Variants in IL17RD observed in about 807,000 individuals in gnomAD.
The protein encoded by IL17RD is interleukin 17 receptor D, also known as interleukin-17 receptor D.
Under a neutral mutation model 80.5 loss-of-function variants are expected in IL17RD, and 52 were observed. The ratio of observed to expected loss-of-function variants is 0.65; its 90% CI spans 0.52 to 0.81. IL17RD has a LOEUF of 0.81. Ranked by LOEUF, IL17RD falls within the 40% of genes least tolerant of loss-of-function variation. The pLI is 0.00. For synonymous variants in IL17RD, 416 were observed against 391.8 expected, an observed-to-expected ratio of 1.06 and a Z score of -0.73; for missense variants, 1,024 against 955.1, an observed-to-expected ratio of 1.07 and a Z score of -0.95.
rs1706728418 is a variant in IL17RD at position 57,098,030 on chromosome 3, T to C, written c.1673A>G (p.Asp558Gly). ...GGGAACGAACTGCTTTTCGAACCAG[T>C]CGGGCTCCTCGTCAATAAACTGGTG... ...NMHQFIDEEP[D>G]WFEKQFVPFH... Residue 558 changes from aspartate to glycine, a missense_variant, in exon 12 of 13, where the codon GAC becomes GGC. By Grantham distance (94) the Asp-to-Gly change is moderately conservative (BLOSUM62 -1). Coordinates refer to ENST00000296318, the MANE Select transcript of IL17RD (RefSeq NM_017563.5). 1.2e-6 allele frequency: 2 copies of C among 1,613,892 alleles called. No homozygotes were observed. The highest frequency in any genetic ancestry group is 2.7e-5 in the African/African-American group (2 of 74,922).
At chr3:57,142,190 C>G (rs1232479003) in intron 1 of IL17RD, among the ~76,000 whole-genome samples, 1 of 152,178 alleles carries the variant, frequency 6.6e-6, no homozygotes, top group African/African-American at 2.4e-5. Context: ...AGTGCAATTC[C>G]TTTCTTTACT....
chr3:57,112,581 C>T (rs572911169), intron 3 of IL17RD, among the ~76,000 whole-genome samples: 6 of 152,230 alleles, frequency 3.9e-5, no homozygotes, highest in Non-Finnish European at 7.3e-5. Flanking sequence ...GCCTGCAATT[C>T]GTCAGGCCAA....
chr3:57,138,119 T>C lies in IL17RD; in HGVS notation c.127-17806A>G, dbSNP rs550770794. Among the ~76,000 whole-genome samples, 22 of 152,318 alleles carry C rather than the reference T, an allele frequency of 1.4e-4. 1 individual carries two copies. The South Asian group carries it at 4.6e-3, about 32-fold the overall frequency. On this transcript the variant is annotated intron_variant, in intron 1 of 12. Coordinates refer to ENST00000296318, the MANE Select transcript of IL17RD (RefSeq NM_017563.5). ...GCGGGGAGAGGAGAATGGGGAGTTA[T>C]TGTTTAATGGTTATGGAATTTCCAT...
chr3:57,161,413 CAAG>C (rs1408114039), intron 1 of IL17RD, among the ~76,000 whole-genome samples: 2 of 152,222 alleles, frequency 1.3e-5, no homozygotes, highest in African/African-American at 4.8e-5. Context: ...TTCTCTTTTC[CAAG>C]TACCACCCTA....
Position 57,090,015 on chromosome 3 carries a change from C to A in IL17RD, c.*6378G>T, listed in dbSNP as rs1184393961. On this transcript the variant is annotated 3_prime_UTR_variant, in exon 13 of 13. Coordinates refer to ENST00000296318, the MANE Select transcript of IL17RD (RefSeq NM_017563.5). ...AAACATTTTATTTAATGCAGAAATT[C>A]TAAGGTACAAAAACATTTTGTAAAT... 1.3e-5 allele frequency: 2 copies of A among 152,624 alleles called. No individual in the cohort carries two copies. Among genetic ancestry groups the A allele is most frequent in the Admixed American group, 6.5e-5 (1 of 15,274 alleles). The allele number at this position is 152,624 out of a possible 1,614,324, so 9.5% of individuals were successfully genotyped here.
intron 1 of IL17RD, among the ~76,000 whole-genome samples, chr3:57,136,014 T>C (rs978661113): frequency 6.6e-6 from 1 of 152,240 alleles, no homozygotes; most frequent in Non-Finnish European, 1.5e-5. Context: ...TATGTTTCTT[T>C]AAAATTACAT....
At chr3:57,106,085 G>T in intron 6 of IL17RD, 25 bp downstream of exon 6, 1 of 1,610,282 alleles carries the variant, frequency 6.2e-7, no homozygotes, top group Non-Finnish European at 8.5e-7. Flanking sequence ...TTTGAGACTT[G>T]ATAGATAAGA....
At chr3:57,133,756 G>A (rs1341405903) in intron 1 of IL17RD, among the ~76,000 whole-genome samples, 1 of 152,294 alleles carries the variant, frequency 6.6e-6, no homozygotes, top group East Asian at 1.9e-4. Context: ...GCAGCAGATG[G>A]AACAGCAGGT....
intron 1 of IL17RD, among the ~76,000 whole-genome samples, chr3:57,125,252 C>T (rs1478961801): frequency 6.6e-6 from 1 of 152,020 alleles, no homozygotes; most frequent in Non-Finnish European, 1.5e-5. Flanking sequence ...ACTAAAAATA[C>T]GAAAATTAGC....
intron 1 of IL17RD, among the ~76,000 whole-genome samples, chr3:57,155,560 T>C (rs1355786232): frequency 6.6e-6 from 1 of 152,236 alleles, no homozygotes; most frequent in African/African-American, 2.4e-5. Flanking sequence ...AACTGCCACA[T>C]GATTAGCCAA....
chr3:57,114,289 A>G (rs1331035867), intron 3 of IL17RD, among the ~76,000 whole-genome samples: 1 of 152,164 alleles, frequency 6.6e-6, no homozygotes, highest in Admixed American at 6.5e-5. Flanking sequence ...ACATGTGCCA[A>G]TGCTGGGCTG....
chr3:57,117,617 G>C (rs1473483190), intron 2 of IL17RD, among the ~76,000 whole-genome samples: 7 of 152,124 alleles, frequency 4.6e-5, no homozygotes, highest in African/African-American at 1.7e-4. Context: ...TAGTAATTTT[G>C]TTGAAAACCC....
intron 1 of IL17RD, among the ~76,000 whole-genome samples, chr3:57,164,305 G>T (rs2107550234): frequency 6.6e-6 from 1 of 152,262 alleles, no homozygotes; most frequent in South Asian, 2.1e-4. Context: ...GCCGCCCAAG[G>T]CCAGAAGCCC....
Position 57,127,297 on chromosome 3 carries a change from T to TAA in IL17RD, c.127-6985_127-6984insTT, listed in dbSNP as rs1707496048. ...AAAAATATATATAAATATATATAAA[T>TAA]ATATATAAAAATATATAAAAATATA... On this transcript the variant is annotated intron_variant, in intron 1 of 12. Coordinates refer to ENST00000296318, the MANE Select transcript of IL17RD (RefSeq NM_017563.5). 1.3e-4 allele frequency among the ~76,000 whole-genome samples: 10 copies of TAA among 76,274 alleles called. 1 individual carries two copies. The South Asian group carries it at 3.7e-3, about 28-fold the overall frequency. 50.0% of individuals were successfully genotyped at this position (76,274 alleles called of 152,430 possible). A position where few individuals can be genotyped will look rare whatever the true frequency, so the allele number is the denominator to read the frequency against.
intron 1 of IL17RD, among the ~76,000 whole-genome samples, chr3:57,138,902 G>A (rs998758145): frequency 1.2e-4 from 16 of 136,032 alleles, no homozygotes; most frequent in Middle Eastern, 4.9e-3. Context: ...TTGCACCATT[G>A]CACTCCAGCC....
intron 1 of IL17RD, among the ~76,000 whole-genome samples, chr3:57,164,224 C>T (rs886559842): frequency 3.9e-5 from 6 of 152,234 alleles, no homozygotes; most frequent in Admixed American, 6.5e-5. Context: ...GCCGTGAGTG[C>T]CCTGACGCCG....
chr3:57,133,470 G>A (rs1344636775), intron 1 of IL17RD, among the ~76,000 whole-genome samples: 3 of 152,128 alleles, frequency 2.0e-5, no homozygotes, highest in Non-Finnish European at 1.5e-5. Context: ...ATGACATTTA[G>A]GCCAGGAAAT....
intron 1 of IL17RD, among the ~76,000 whole-genome samples, chr3:57,150,869 G>A (rs183874521): frequency 3.4e-4 from 52 of 152,304 alleles, no homozygotes; most frequent in Non-Finnish European, 6.5e-4. Context: ...AAACAATTAC[G>A]AAGGGGGCCA....
intron 1 of IL17RD, chr3:57,150,580 G>A (rs1296436754): frequency 6.6e-6 from 1 of 152,210 alleles, no homozygotes; most frequent in Non-Finnish European, 1.5e-5. Flanking sequence ...CATGTTCAAA[G>A]GCTGGGCAGT....
Sources: gnomAD v4.1 joint callset for allele counts (sites outside exome capture counted in the v4.1 genomes callset) on GRCh38, gnomAD v4.1.1 for gene constraint, MANE v1.5 for transcripts, NCBI Gene and HGNC (gene_info 2026-07-23, HGNC 2026-07-21) for gene names.